ZNF362: variants seen among roughly 807,000 people sequenced by gnomAD.
ZNF362 encodes the protein rotund homolog.
Under a neutral mutation model 42.9 loss-of-function variants are expected in ZNF362, and 11 were observed. The observed-to-expected ratio is 0.26, with a 90% CI of 0.16 to 0.42. ZNF362 has a LOEUF of 0.42. Ranked by LOEUF, ZNF362 falls within the 20% of genes least tolerant of loss-of-function variation. The pLI is 1.00. For synonymous variants in ZNF362, 255 were observed against 257.3 expected (o/e 0.99, Z 0.09); for missense variants, 362 against 576.2 (o/e 0.63, Z 3.81).
intron 6 of ZNF362, among the ~76,000 whole-genome samples, chr1:33,290,251 C>G (rs1440647947): frequency 6.6e-6 from 1 of 152,156 alleles, no homozygotes; most frequent in African/African-American, 2.4e-5. Context: ...GTGTGATGGT[C>G]CCCTTCCTGC....
At chr1:33,272,670 C>T (rs938552875) in intron 2 of ZNF362, among the ~76,000 whole-genome samples, 3 of 152,118 alleles carry the variant, frequency 2.0e-5, no homozygotes, top group Non-Finnish European at 4.4e-5. Flanking sequence ...TGTTCTGTCT[C>T]CACCCCCTGC....
chr1:33,160,741 A>T, the ZNF362 span, among the ~76,000 whole-genome samples: 1 of 152,186 alleles, frequency 6.6e-6, no homozygotes, highest in Admixed American at 6.5e-5. Flanking sequence ...CATGGGGCTC[A>T]TTCAGGGGGC....
At chr1:33,225,573 T>C in the ZNF362 span, among the ~76,000 whole-genome samples, 4 of 152,166 alleles carry the variant, frequency 2.6e-5, no homozygotes, top group Admixed American at 6.5e-5. Context: ...GTGTCTTTTA[T>C]TGTAAGGTAA....
At chr1:33,213,969 G>C in the ZNF362 span, among the ~76,000 whole-genome samples, 1 of 152,152 alleles carries the variant, frequency 6.6e-6, no homozygotes, top group Admixed American at 6.5e-5. Context: ...GGATTTTACT[G>C]AGTTCTAGAT....
chr1:33,147,818 G>T, the ZNF362 span: 257 of 1,436,980 alleles, frequency 1.8e-4, no homozygotes, highest in African/African-American at 3.2e-3. This position sits in a 1 kb window ranked among gnomAD's most constrained non-coding sequence, Gnocchi z 8.1. Context: ...GTTCTGGTTG[G>T]TACGCAGGAG....
In ZNF362 at chr1:33,296,338, AG is replaced by A. The variant is rs1355568641; in HGVS notation, c.1146+1036del. On this transcript the variant is annotated intron_variant, in intron 8 of 8. Transcript: ENST00000539719. Reference sequence around the variant, plus strand: ...GGATGACACAGAGGGGCTGAGCTGCAGGGCCATGCCGTCCTGCATTCTGGAG... The same window carrying A: ...GGATGACACAGAGGGGCTGAGCTGCAGGCCATGCCGTCCTGCATTCTGGAG... Among the ~76,000 whole-genome samples, 68 of 152,072 alleles carry A rather than the reference AG, an allele frequency of 4.5e-4. 2 individuals are homozygous for A. Among genetic ancestry groups the A allele is most frequent in the Non-Finnish European group, 5.9e-5 (4 of 68,016 alleles).
chr1:33,205,532 GA>G, the ZNF362 span, among the ~76,000 whole-genome samples: 2 of 151,434 alleles, frequency 1.3e-5, no homozygotes, highest in Admixed American at 6.6e-5. Flanking sequence ...AAATAACTTT[GA>G]AAAAAAAGAA....
chr1:33,169,401 G>T, the ZNF362 span, among the ~76,000 whole-genome samples: 1 of 152,170 alleles, frequency 6.6e-6, no homozygotes, highest in African/African-American at 2.4e-5. Context: ...CCTCTGGTTC[G>T]GTTTTTATCA....
the ZNF362 span, among the ~76,000 whole-genome samples, chr1:33,156,557 C>G: frequency 6.6e-6 from 1 of 152,172 alleles, no homozygotes; most frequent in African/African-American, 2.4e-5. Flanking sequence ...TTGGCTGGGT[C>G]CCCCTCTTGT....
At chr1:33,178,786 G>A in the ZNF362 span, among the ~76,000 whole-genome samples, 2 of 152,204 alleles carry the variant, frequency 1.3e-5, no homozygotes, top group Non-Finnish European at 2.9e-5. Flanking sequence ...TGGCAGTCCT[G>A]TTTTACTTTT....
chr1:33,220,288 T>C, the ZNF362 span, among the ~76,000 whole-genome samples: 8 of 152,304 alleles, frequency 5.3e-5, no homozygotes, highest in Middle Eastern at 3.4e-3. Flanking sequence ...TTGTTTTTAT[T>C]AATAATGATA....
chr1:33,217,684 T>C, the ZNF362 span, among the ~76,000 whole-genome samples: 6 of 152,126 alleles, frequency 3.9e-5, no homozygotes, highest in African/African-American at 1.4e-4. Context: ...ATAAGAGAAG[T>C]ATACAGGAGA....
At chr1:33,160,750 G>A in the ZNF362 span, among the ~76,000 whole-genome samples, 3 of 152,134 alleles carry the variant, frequency 2.0e-5, no homozygotes, top group Non-Finnish European at 2.9e-5. Context: ...CATTCAGGGG[G>A]CTCAAGGAAA....
In ZNF362 at chr1:33,281,132, G is replaced by A. The variant is rs1645990964; in HGVS notation, c.684-455G>A. 6.6e-6 allele frequency among the ~76,000 whole-genome samples: 1 copy of A among 152,100 alleles called. No individual in the cohort carries two copies. The highest frequency in any genetic ancestry group is 2.1e-4 in the South Asian group (1 of 4,826). ...CACCTGAAGAGCTTTCAGAAAATGC[G>A]GATGCCAGGGCTGCATCTCCAGGAA... On this transcript the variant is annotated intron_variant, in intron 5 of 8. Coordinates refer to ENST00000539719, the MANE Select transcript of ZNF362 (RefSeq NM_152493.3). The surrounding 1 kb of genome is among the most constrained non-coding windows in gnomAD (Gnocchi z 4.8).
chr1:33,199,629 G>T, the ZNF362 span, among the ~76,000 whole-genome samples: 1 of 152,166 alleles, frequency 6.6e-6, no homozygotes, highest in Non-Finnish European at 1.5e-5. Flanking sequence ...AAAAAATAAT[G>T]CCTTTTAAAA....
chr1:33,215,550 G>A, the ZNF362 span, among the ~76,000 whole-genome samples: 2 of 152,012 alleles, frequency 1.3e-5, no homozygotes, highest in African/African-American at 2.4e-5. Context: ...ATAAATGCTC[G>A]AGGCAATGGA....
At chr1:33,253,183 A>G (rs1258577774), upstream of ZNF362, among the ~76,000 whole-genome samples, 2 of 147,340 alleles carry the variant, frequency 1.4e-5, no homozygotes. Context: ...GCCAGGCATC[A>G]TGAAGGTGGA....
At chr1:33,279,343 C>G (rs1039327314) in intron 4 of ZNF362, among the ~76,000 whole-genome samples, 1 of 152,180 alleles carries the variant, frequency 6.6e-6, no homozygotes, top group Non-Finnish European at 1.5e-5. Context: ...ATTTTAATGG[C>G]TGTTGCCAGA....
the ZNF362 span, among the ~76,000 whole-genome samples, chr1:33,198,683 A>T: frequency 8.5e-3 from 596 of 69,864 alleles, 3 homozygotes; most frequent in Middle Eastern, 0.026. Flanking sequence ...TTAAAAAGAG[A>T]AAAGTCAATC....
Sources: allele counts gnomAD v4.1 joint callset (sites outside exome capture counted in the v4.1 genomes callset), GRCh38; gene constraint gnomAD v4.1.1; non-coding constraint Gnocchi (gnomAD v3.1); transcripts MANE v1.5; gene names NCBI Gene and HGNC (gene_info 2026-07-23, HGNC 2026-07-21).